TMTC2: variants seen among roughly 807,000 people sequenced by gnomAD.
TMTC2 encodes the protein protein O-mannosyl-transferase TMTC2.
In TMTC2, 43 loss-of-function variants were observed where a neutral mutation model predicts 82.4. The ratio of observed to expected loss-of-function variants is 0.52; its 90% CI spans 0.41 to 0.67. The LOEUF (loss-of-function observed/expected upper bound fraction) is 0.67, where lower values mean the gene tolerates loss of function less well. TMTC2 is among the 30% of genes least tolerant of loss of function. TMTC2 has a pLI of 0.00. For synonymous variants in TMTC2, 408 were observed against 381.9 expected (o/e 1.07, Z -0.80); for missense variants, 919 against 1,012.4 (o/e 0.91, Z 1.25).
At chr12:82,829,705 G>T (rs1184834651) in intron 1 of TMTC2, among the ~76,000 whole-genome samples, 1 of 152,044 alleles carries the variant, frequency 6.6e-6, no homozygotes, top group East Asian at 1.9e-4. Flanking sequence ...CATCATTCTT[G>T]CTGTGATAGG....
chr12:82,855,653 GTT>G (rs1254888996), intron 1 of TMTC2, among the ~76,000 whole-genome samples: 2 of 152,204 alleles, frequency 1.3e-5, no homozygotes, highest in Non-Finnish European at 2.9e-5. Context: ...ATGCCACTCT[GTT>G]CTCTGGGAGG....
intron 11 of TMTC2, among the ~76,000 whole-genome samples, chr12:83,080,473 T>C (rs1355482090): frequency 6.6e-6 from 1 of 152,098 alleles, no homozygotes; most frequent in Non-Finnish European, 1.5e-5. Context: ...TACCATAAAA[T>C]TGTAATTTAA....
intron 1 of TMTC2, among the ~76,000 whole-genome samples, chr12:82,715,366 T>C (rs999345098): frequency 6.6e-6 from 1 of 151,812 alleles, no homozygotes; most frequent in African/African-American, 2.4e-5. Flanking sequence ...CAGTGAGATA[T>C]GGATGTTTAT....
intron 1 of TMTC2, among the ~76,000 whole-genome samples, chr12:82,787,484 G>C (rs1483158944): frequency 6.6e-6 from 1 of 152,086 alleles, no homozygotes; most frequent in Non-Finnish European, 1.5e-5. Flanking sequence ...TTTTCAGACA[G>C]TTGCTTAAGT....
chr12:82,844,260 A>G (rs1870506016), intron 1 of TMTC2, among the ~76,000 whole-genome samples: 1 of 152,210 alleles, frequency 6.6e-6, no homozygotes, highest in Non-Finnish European at 1.5e-5. Context: ...ATACTTGAAT[A>G]GTTAGAGGAA....
intron 1 of TMTC2, among the ~76,000 whole-genome samples, chr12:82,788,000 G>A (rs1459433753): frequency 6.6e-6 from 1 of 152,014 alleles, no homozygotes; most frequent in Non-Finnish European, 1.5e-5. Context: ...TTCATCTTGA[G>A]AATGTATGTC....
intron 1 of TMTC2, among the ~76,000 whole-genome samples, chr12:82,823,916 C>T (rs1219195289): frequency 2.1e-5 from 3 of 140,000 alleles, no homozygotes; most frequent in African/African-American, 8.4e-5. Flanking sequence ...TTTTTTGAGA[C>T]GGAGTCTCGC....
chr12:82,899,907 T>C (rs1186233186), intron 3 of TMTC2, among the ~76,000 whole-genome samples: 1 of 141,380 alleles, frequency 7.1e-6, no homozygotes, highest in East Asian at 2.1e-4. Flanking sequence ...GGAATGTATA[T>C]ACATATCCGG....
chr12:82,925,761 C>A (rs1565812761), intron 3 of TMTC2, among the ~76,000 whole-genome samples: 2 of 152,096 alleles, frequency 1.3e-5, no homozygotes, highest in Non-Finnish European at 2.9e-5. Flanking sequence ...TCAGCCCTTC[C>A]CCAATTTCTC....
intron 10 of TMTC2, among the ~76,000 whole-genome samples, chr12:83,055,696 A>C (rs2137463690): frequency 6.9e-6 from 1 of 144,762 alleles, no homozygotes; most frequent in South Asian, 2.3e-4. Flanking sequence ...CATAGGCTCT[A>C]GTGGAAGGGG....
chr12:82,776,555 T>C (rs879900360), intron 1 of TMTC2, among the ~76,000 whole-genome samples: 1 of 149,616 alleles, frequency 6.7e-6, no homozygotes, highest in Admixed American at 6.7e-5. Context: ...AGAATCACTT[T>C]AACCCAGGTG....
rs1237291168 is a variant in TMTC2, at chr12:83,014,141, TAAG to T, written c.2071-16654_2071-16652del. On this transcript the variant is annotated intron_variant, in intron 8 of 11. Transcript: ENST00000321196. ...CAAAGTTATTTGTGTAGAAGCATTA[TAAG>T]AATACTATTTTTTTATTTTGTTTTA... Among the ~76,000 whole-genome samples, 8 of 152,248 alleles carry T rather than the reference TAAG, an allele frequency of 5.3e-5. No homozygotes were observed. The East Asian group carries it at 9.6e-4, about 18-fold the overall frequency.
At chr12:82,720,864 A>G (rs192457006) in intron 1 of TMTC2, among the ~76,000 whole-genome samples, 29 of 152,326 alleles carry the variant, frequency 1.9e-4, no homozygotes, top group Admixed American at 1.8e-3. Context: ...AAAAAGCTCT[A>G]GATTTTGGCT....
At chr12:83,083,934 A>G (rs976615434) in intron 11 of TMTC2, among the ~76,000 whole-genome samples, 1 of 152,168 alleles carries the variant, frequency 6.6e-6, no homozygotes, top group Non-Finnish European at 1.5e-5. Context: ...TTTTTAAGAG[A>G]CTTTCAAAGA....
At chr12:82,981,799 A>G (rs1157511459) in intron 7 of TMTC2, among the ~76,000 whole-genome samples, 2 of 151,622 alleles carry the variant, frequency 1.3e-5, no homozygotes, top group Non-Finnish European at 3.0e-5. Context: ...CATTTCCTTT[A>G]TGGAATTTTT....
At chr12:82,772,014 C>T (rs1877340393) in intron 1 of TMTC2, among the ~76,000 whole-genome samples, 1 of 152,162 alleles carries the variant, frequency 6.6e-6, no homozygotes, top group African/African-American at 2.4e-5. Flanking sequence ...CAACATCTCC[C>T]TCTGCTGCTG....
At chr12:82,735,531 G>C (rs975098064) in intron 1 of TMTC2, among the ~76,000 whole-genome samples, 2 of 151,852 alleles carry the variant, frequency 1.3e-5, no homozygotes, top group African/African-American at 2.4e-5. Context: ...ATTTTTAGTA[G>C]AGACGAAGTT....
intron 11 of TMTC2, among the ~76,000 whole-genome samples, chr12:83,084,741 G>T (rs1883593022): frequency 6.6e-6 from 1 of 152,170 alleles, no homozygotes; most frequent in Non-Finnish European, 1.5e-5. Context: ...AGGAGGAAAT[G>T]ACAAATATTA....
Position 82,687,379 on chromosome 12 carries a change from G to A in TMTC2, c.-208G>A, listed in dbSNP as rs2136876671. On this transcript the variant is annotated 5_prime_UTR_variant, in exon 1 of 12. Transcript: ENST00000321196. ...GGGAGTGTGGTGTGAGCCCGCACCC[G>A]GGGAGGACGCAGGAGCTGCGGAGAC... The A allele has an allele frequency of 5.1e-6, 3 of 592,768 alleles. No individual in the cohort carries two copies. Among genetic ancestry groups the A allele is most frequent in the South Asian group, 3.9e-5 (2 of 51,058 alleles). The allele number at this position is 592,768 out of a possible 1,614,324, so 36.7% of individuals were successfully genotyped here. A position where few individuals can be genotyped will look rare whatever the true frequency, so the allele number is the denominator to read the frequency against.
Sources: allele counts gnomAD v4.1 joint callset (sites outside exome capture counted in the v4.1 genomes callset), GRCh38; gene constraint gnomAD v4.1.1; transcripts MANE v1.5; gene names NCBI Gene and HGNC (gene_info 2026-07-23, HGNC 2026-07-21).